The following C2CD2 variants were observed in gnomAD, a reference collection of about 807,000 sequenced individuals.
C2CD2 encodes C2 domain-containing protein 2.
In C2CD2, 43 loss-of-function variants were observed where a neutral mutation model predicts 74.3. The observed-to-expected ratio is 0.58, with a 90% CI of 0.45 to 0.75. The LOEUF (loss-of-function observed/expected upper bound fraction) is 0.75, where lower values mean the gene tolerates loss of function less well. Among genes scored for constraint, C2CD2 ranks in the 30% least tolerant of loss-of-function variants. The probability of loss-of-function intolerance (pLI) is 0.00; values close to 1 mark genes in which losing one functional copy is unlikely to be tolerated. For synonymous variants in C2CD2, 422 were observed against 390.7 expected, an observed-to-expected ratio of 1.08 and a Z score of -0.94; for missense variants, 801 against 916.3, an observed-to-expected ratio of 0.87 and a Z score of 1.63.
In C2CD2 at chr21:41,899,283, G is replaced by T. The variant is rs1330422527; in HGVS notation, c.1640C>A (p.Ala547Asp). ...ASVDSTHQED[A>D]PSHPERAAAS... is the part of the protein sequence containing the mutation. ...TGCCGCCCTCTCCGGATGGGATGGG[G>T]CGTCCTCCTGGTGGGTGCTGTCCAC... The change falls in exon 13 of 14, where the codon GCC becomes GAC. Residue 547 changes from alanine to aspartate, a missense_variant. Transcript: ENST00000380486. The surrounding 1 kb of genome is among the most constrained non-coding windows in gnomAD (Gnocchi z 4.4). 1 of 1,611,816 alleles carries T rather than the reference G, an allele frequency of 6.2e-7. No individual in the cohort carries two copies.
intron 10 of C2CD2, 83 bp from the exon 11 acceptor site, chr21:41,905,920 C>T (rs901093804): frequency 2.8e-5 from 22 of 788,404 alleles, no homozygotes; most frequent in Non-Finnish European, 4.3e-5. Flanking sequence ...GGACAGCCCT[C>T]ACTGCAACTC....
intron 13 of C2CD2, among the ~76,000 whole-genome samples, chr21:41,896,042 A>G (rs2064818369): frequency 6.6e-6 from 1 of 152,206 alleles, no homozygotes; most frequent in Non-Finnish European, 1.5e-5. Context: ...GTACAACCTC[A>G]GCCACAGCAC....
At chr21:41,889,879 C>T (rs6586313) in intron 13 of C2CD2, among the ~76,000 whole-genome samples, 19,664 of 152,118 alleles carry the variant, frequency 0.13, 1,386 homozygotes, top group Middle Eastern at 0.16. Flanking sequence ...AGGTGATCCA[C>T]CCCTCCCTCA....
At position 41,892,397 on chromosome 21, in the gene C2CD2, G is replaced by A. The variant is rs546968194; in HGVS notation, c.1871-3053C>T. Among the ~76,000 whole-genome samples, 1 of 152,256 alleles carries A rather than the reference G, an allele frequency of 6.6e-6. No homozygotes were observed. The highest frequency in any genetic ancestry group is 1.9e-4 in the East Asian group (1 of 5,174). On this transcript the variant is annotated intron_variant, in intron 13 of 13. Transcript: ENST00000380486. This position sits in a 1 kb window ranked among gnomAD's most constrained non-coding sequence, Gnocchi z 4.6. ...AGGGAAAGAATTGGCTCCTGGTGTT[G>A]CAAACACCCAGTTTGTGGTACTTTG...
chr21:41,944,987 A>G (rs2065386924), intron 1 of C2CD2, among the ~76,000 whole-genome samples: 1 of 152,246 alleles, frequency 6.6e-6, no homozygotes, highest in Non-Finnish European at 1.5e-5. Flanking sequence ...ACACGGATAT[A>G]ACCTAAGAAG....
In C2CD2 at chr21:41,890,340, G is replaced by A. The variant is rs181954185; in HGVS notation, c.1871-996C>T. Among the ~76,000 whole-genome samples, 17 of 152,300 alleles carry A rather than the reference G, an allele frequency of 1.1e-4. No individual in the cohort carries two copies. The East Asian group carries it at 3.1e-3, about 28-fold the overall frequency. ...ATATACAGATATTTACCTGGCTATA[G>A]ATATCCATCAGGTAGTAGAATACGG... On this transcript the variant is annotated intron_variant, in intron 13 of 13. Transcript: ENST00000380486.
intron 13 of C2CD2, among the ~76,000 whole-genome samples, chr21:41,898,758 A>G (rs1370760486): frequency 6.6e-6 from 1 of 152,124 alleles, no homozygotes; most frequent in African/African-American, 2.4e-5. Flanking sequence ...GCTCTTGGTA[A>G]CCCGTCGGGA....
intron 2 of C2CD2, among the ~76,000 whole-genome samples, chr21:41,938,717 C>T (rs1017039408): frequency 3.9e-4 from 59 of 151,742 alleles, no homozygotes; most frequent in African/African-American, 1.3e-3. Flanking sequence ...ACGTTATAGC[C>T]TATGTCAGAA....
rs1187844672 is a variant in C2CD2, at chr21:41,918,130, T to G, written c.695A>C (p.Lys232Thr). The change falls in exon 5 of 14, where the codon AAG (lysine) becomes ACG (threonine). Residue 232 changes from lysine (K) to threonine (T), a missense_variant. By Grantham distance (78) the Lys-to-Thr change is moderately conservative (BLOSUM62 -1). Transcript: ENST00000380486. ...SASPSVVLITKPTTVKEAQNL... is the reference protein window; with the variant it reads ...SASPSVVLITTPTTVKEAQNL... ...CTGAGCTTCCTTTACAGTCGTGGGCTTGGTAATCAGAACCACTGATGGAGA... is the reference window on the plus strand; with the variant it reads ...CTGAGCTTCCTTTACAGTCGTGGGCGTGGTAATCAGAACCACTGATGGAGA... The G allele has an allele frequency of 1.9e-6, 3 of 1,614,036 alleles. No homozygotes were observed. The highest frequency in any genetic ancestry group is 3.3e-5 in the Admixed American group (2 of 60,010).
At chr21:41,920,858 G>C (rs888683250) in intron 3 of C2CD2, among the ~76,000 whole-genome samples, 2 of 152,170 alleles carry the variant, frequency 1.3e-5, no homozygotes, top group African/African-American at 4.8e-5. Flanking sequence ...ATCCTCTCTG[G>C]TCTCATTCAG....
rs1432336036 is a variant in C2CD2 at position 41,888,030 on chromosome 21, A to G, written c.*1094T>C. 1.3e-5 allele frequency: 2 copies of G among 152,618 alleles called. No individual in the cohort carries two copies. The highest frequency in any genetic ancestry group is 2.9e-5 in the Non-Finnish European group (2 of 68,050). 9.5% of individuals were successfully genotyped at this position (152,618 alleles called of 1,614,324 possible). A position where few individuals can be genotyped will look rare whatever the true frequency, so the allele number is the denominator to read the frequency against. ...GATGTTTTCCACCAAAACAAACCCA[A>G]ACAAGGGCACCCCAACCTGTGTCCA... On this transcript the variant is annotated 3_prime_UTR_variant, in exon 14 of 14. Coordinates refer to ENST00000380486, the MANE Select transcript of C2CD2 (RefSeq NM_015500.2).
intron 8 of C2CD2, 85 bp from the exon 9 acceptor site, chr21:41,907,869 C>A (rs772256464): frequency 2.2e-5 from 32 of 1,430,120 alleles, no homozygotes; most frequent in Non-Finnish European, 3.0e-5. Context: ...GCCCAGCAGC[C>A]GGAACACGCT....
chr21:41,927,813 A>C (rs1353849896), intron 2 of C2CD2, among the ~76,000 whole-genome samples: 2 of 152,186 alleles, frequency 1.3e-5, no homozygotes, highest in African/African-American at 4.8e-5. Flanking sequence ...ATTGAGATGA[A>C]AAGGGTTGGA....
intron 5 of C2CD2, among the ~76,000 whole-genome samples, chr21:41,916,187 T>C (rs1810539515): frequency 6.6e-6 from 1 of 152,154 alleles, no homozygotes. Context: ...GGGACAGAGA[T>C]GAAATCTTTT....
chr21:41,906,969 C>T (rs202031298), intron 10 of C2CD2, 23 bp downstream of exon 10: 18 of 1,601,194 alleles, frequency 1.1e-5, no homozygotes, highest in Middle Eastern at 2.0e-4. Flanking sequence ...GAAAGTTCCT[C>T]GACTGCGTTC....
chr21:41,897,610 G>T (rs921131698), intron 13 of C2CD2, among the ~76,000 whole-genome samples: 22 of 152,200 alleles, frequency 1.4e-4, no homozygotes, highest in African/African-American at 4.1e-4. Context: ...AGTCCAACGG[G>T]TCTGAAATCT....
intron 2 of C2CD2, among the ~76,000 whole-genome samples, chr21:41,927,618 G>T (rs554151700): frequency 6.6e-6 from 1 of 151,816 alleles, no homozygotes; most frequent in South Asian, 2.1e-4. Context: ...CTACAGGCAC[G>T]TGCCACCACA....
In C2CD2 at chr21:41,895,037, C is replaced by T. The variant is rs543641130; in HGVS notation, c.1870+4016G>A. On this transcript the variant is annotated intron_variant, in intron 13 of 13. Coordinates refer to ENST00000380486, the MANE Select transcript of C2CD2 (RefSeq NM_015500.2). The surrounding 1 kb of genome is among the most constrained non-coding windows in gnomAD (Gnocchi z 5.0). ...ACGCACTGAGGTGCGGCTGGGAAGG[C>T]ATTGTGTAGATGTGGATAACAACTC... is the stretch of plus-strand genomic sequence containing the variant. The T allele has an allele frequency of 2.6e-4, 115 of 445,850 alleles. 3 individuals carry two copies. Among genetic ancestry groups the T allele is most frequent in the South Asian group, 1.8e-3 (111 of 62,956 alleles). 27.6% of individuals were successfully genotyped at this position (445,850 alleles called of 1,614,324 possible). A position where few individuals can be genotyped will look rare whatever the true frequency, so the allele number is the denominator to read the frequency against.
At chr21:41,953,305 G>T in intron 1 of C2CD2, 65 bp downstream of exon 1, 1 of 1,151,988 alleles carries the variant, frequency 8.7e-7, no homozygotes, top group Non-Finnish European at 1.2e-6. Context: ...CTCCAGGAAA[G>T]ACCTCGGCCC....
Sources: gnomAD v4.1 joint callset for allele counts (sites outside exome capture counted in the v4.1 genomes callset) on GRCh38, gnomAD v4.1.1 for gene constraint, Gnocchi (gnomAD v3.1) non-coding constraint, MANE v1.5 for transcripts, NCBI Gene and HGNC (gene_info 2026-07-23, HGNC 2026-07-21) for gene names.